THUMPD3: variants seen among roughly 807,000 people sequenced by gnomAD.
THUMPD3 encodes tRNA (guanine(6)-N(2))-methyltransferase THUMP3.
Under a neutral mutation model 54.5 loss-of-function variants are expected in THUMPD3, and 44 were observed. The observed-to-expected ratio is 0.81, with a 90% CI of 0.63 to 1.04. THUMPD3 has a LOEUF of 1.04. THUMPD3 is among the 50% of genes least tolerant of loss of function. The pLI is 0.00. For missense variants in THUMPD3, 604 were observed against 601.3 expected (o/e 1.00, Z -0.05); for synonymous variants, 196 against 201.4 (o/e 0.97, Z 0.23).
At chr3:9,379,484 C>A (rs532804707) in intron 6 of THUMPD3, among the ~76,000 whole-genome samples, 2 of 152,332 alleles carry the variant, frequency 1.3e-5, no homozygotes, top group Non-Finnish European at 1.5e-5. Context: ...TAAGCAGAGG[C>A]AGACCTTTCC....
chr3:9,371,943 C>T (rs913620623), intron 4 of THUMPD3, among the ~76,000 whole-genome samples: 2 of 152,212 alleles, frequency 1.3e-5, no homozygotes, highest in Non-Finnish European at 2.9e-5. Context: ...GTGGTACGAT[C>T]TCAGCTCACT....
intron 2 of THUMPD3, among the ~76,000 whole-genome samples, 192 bp downstream of exon 2, chr3:9,365,512 C>T (rs1198551726): frequency 2.0e-5 from 3 of 151,040 alleles, no homozygotes; most frequent in Admixed American, 2.0e-4. Flanking sequence ...TCCCTTAGGA[C>T]CAAAAGTGTT....
chr3:9,386,062 T>G lies in THUMPD3; in HGVS notation c.*1374T>G, dbSNP rs2033311938. ...GTACTCCTCTTAATACTTTCTGATG[T>G]CTCCATTGAGAATAAAAGGACACAA... On this transcript the variant is annotated 3_prime_UTR_variant, in exon 10 of 10. Coordinates refer to ENST00000452837, the MANE Select transcript of THUMPD3 (RefSeq NM_001114092.2). 1 of 152,160 alleles carries G rather than the reference T, an allele frequency of 6.6e-6. No individual in the cohort carries two copies. Among genetic ancestry groups the G allele is most frequent in the African/African-American group, 2.4e-5 (1 of 41,426 alleles). The allele number at this position is 152,160 out of a possible 1,614,324, so 9.4% of individuals were successfully genotyped here.
intron 4 of THUMPD3, among the ~76,000 whole-genome samples, chr3:9,373,638 G>T (rs1448543792): frequency 1.3e-5 from 2 of 152,234 alleles, no homozygotes; most frequent in Non-Finnish European, 2.9e-5. Context: ...AGGAAGTGCT[G>T]TATGAGTATC....
In THUMPD3 at chr3:9,374,655, A is replaced by AT; in HGVS notation, c.938+10dup. 1.2e-6 allele frequency: 2 copies of AT among 1,612,828 alleles called. No individual in the cohort carries two copies. The highest frequency in any genetic ancestry group is 1.7e-6 in the Non-Finnish European group (2 of 1,179,490). On this transcript the variant is annotated intron_variant, in intron 5 of 9. Transcript: ENST00000452837. ...GCCTATGGGATGCTCAGGTAAGAAAATGAGTTTGCCATCCAGCTTAAAGTG... is the reference window on the plus strand; with the variant it reads ...GCCTATGGGATGCTCAGGTAAGAAAATTGAGTTTGCCATCCAGCTTAAAGTG...
chr3:9,370,961 G>A, intron 3 of THUMPD3, 99 bp from the exon 4 acceptor site: 1 of 1,014,026 alleles, frequency 9.9e-7, no homozygotes. Context: ...TGGAACCAGT[G>A]TCCCCCACGG....
At chr3:9,384,359 T>A (rs2033171550) in intron 9 of THUMPD3, 24 bp downstream of exon 9, 1 of 1,600,096 alleles carries the variant, frequency 6.2e-7, no homozygotes, top group African/African-American at 1.3e-5. Flanking sequence ...TAGCTCAAAA[T>A]CGCAGCCTGT....
chr3:9,371,165 C>T lies in THUMPD3; in HGVS notation c.436C>T (p.Arg146Cys), dbSNP rs141407615. ...NASFKKKKAK[R>C]KKINQNSSKE... ...CAGTTTTAAAAAGAAAAAAGCAAAG[C>T]GCAAAAAGATAAATCAGAATTCAAG... The change falls in exon 4 of 10, where the codon CGC (arginine) becomes TGC (cysteine). Residue 146 changes from arginine to cysteine, a missense_variant. Arg to Cys is a radical substitution (Grantham distance 180). Transcript: ENST00000452837. 4.7e-5 allele frequency: 76 copies of T among 1,611,326 alleles called. No homozygotes were observed. Among genetic ancestry groups the T allele is most frequent in the African/African-American group, 2.7e-4 (20 of 74,744 alleles).
intron 7 of THUMPD3, among the ~76,000 whole-genome samples, chr3:9,382,266 TCTG>T (rs1224151079): frequency 6.6e-6 from 1 of 152,226 alleles, no homozygotes; most frequent in African/African-American, 2.4e-5. Flanking sequence ...ATCCTTAATT[TCTG>T]CTGATAACCT....
chr3:9,384,674 C>A lies in THUMPD3; in HGVS notation c.1510C>A (p.Gln504Lys). The A allele has an allele frequency of 6.2e-7, 1 of 1,614,078 alleles. No individual in the cohort carries two copies. The highest frequency in any genetic ancestry group is 8.5e-7 in the Non-Finnish European group (1 of 1,180,024). Residue 504 changes from glutamine (Q) to lysine (K), a missense_variant, in exon 10 of 10, where the codon CAA becomes AAA. Transcript: ENST00000452837. ...AGACGGAGAAAGAGGAACTCTTTGG[C>A]AATGCAAAGAATGAAGATGACTAAT... Reference protein sequence around the residue: ...EQDGERGTLWQCKE With the variant: ...EQDGERGTLWKCKE
chr3:9,375,767 A>G (rs2032415189), intron 5 of THUMPD3, among the ~76,000 whole-genome samples: 1 of 152,240 alleles, frequency 6.6e-6, no homozygotes, highest in African/African-American at 2.4e-5. Context: ...GCTATGTGGT[A>G]TCTCCTATTG....
chr3:9,384,400 G>C (rs1256761233), intron 9 of THUMPD3, 65 bp downstream of exon 9: 1 of 1,597,672 alleles, frequency 6.3e-7, no homozygotes, highest in Non-Finnish European at 8.5e-7. Context: ...GAGATTTGGG[G>C]ATGTTTGTTT....
chr3:9,366,913 T>C lies in THUMPD3; in HGVS notation c.258T>C (p.His86=). ...VISVESLAQV[H]CLRSVDNLFV... ...TTTCTTTTTTTTTCACCCAGGTTCA[T>C]TGTCTGAGATCAGTTGATAACTTAT... Residue 86 remains histidine (H), a synonymous_variant, in exon 3 of 10, where the codon CAT becomes CAC. Transcript: ENST00000452837. 1.2e-6 allele frequency: 2 copies of C among 1,609,740 alleles called. No individual in the cohort carries two copies. Among genetic ancestry groups the C allele is most frequent in the African/African-American group, 1.3e-5 (1 of 74,794 alleles).
At chr3:9,384,126 G>A in intron 8 of THUMPD3, 86 bp from the exon 9 acceptor site, 4 of 1,418,570 alleles carry the variant, frequency 2.8e-6, no homozygotes, top group Non-Finnish European at 3.9e-6. Context: ...TCATGCCTCA[G>A]GATGCATGAA....
intron 7 of THUMPD3, 199 bp from the exon 8 acceptor site, chr3:9,383,000 T>G (rs1045779008): frequency 5.2e-5 from 24 of 458,000 alleles, no homozygotes; most frequent in Non-Finnish European, 9.2e-5. Context: ...AAGTGCTGAT[T>G]ATAGGCACAA....
At chr3:9,383,581 G>C (rs2033088942) in intron 8 of THUMPD3, among the ~76,000 whole-genome samples, 1 of 151,730 alleles carries the variant, frequency 6.6e-6, no homozygotes, top group Non-Finnish European at 1.5e-5. Flanking sequence ...ACACAAAAAG[G>C]TGGTAGAAGA....
At chr3:9,383,402 G>A in intron 8 of THUMPD3, 93 bp downstream of exon 8, 2 of 881,830 alleles carry the variant, frequency 2.3e-6, no homozygotes, top group Non-Finnish European at 3.7e-6. Context: ...AATTTTAGCA[G>A]ACTTAGCAGA....
At chr3:9,373,326 C>T (rs548698382) in intron 4 of THUMPD3, among the ~76,000 whole-genome samples, 18 of 151,894 alleles carry the variant, frequency 1.2e-4, no homozygotes, top group African/African-American at 3.9e-4. Flanking sequence ...GACCCTGTCT[C>T]TACAAAAAAT....
intron 5 of THUMPD3, 75 bp downstream of exon 5, chr3:9,374,721 G>T: frequency 2.0e-6 from 3 of 1,525,550 alleles, no homozygotes; most frequent in Admixed American, 1.8e-5. Flanking sequence ...ACTGATTTGT[G>T]TGTATGTGTG....
Sources: allele counts gnomAD v4.1 joint callset (sites outside exome capture counted in the v4.1 genomes callset), GRCh38; gene constraint gnomAD v4.1.1; transcripts MANE v1.5; gene names NCBI Gene and HGNC (gene_info 2026-07-23, HGNC 2026-07-21).